Variants in CACNA1A observed in about 807,000 individuals in gnomAD.
CACNA1A encodes voltage-dependent P/Q-type calcium channel subunit alpha-1A.
A neutral mutation model predicts 262.4 loss-of-function variants in CACNA1A; 57 were observed. That is an observed-to-expected ratio of 0.22 (90% CI 0.18 to 0.27). The LOEUF is 0.27. Among genes scored for constraint, CACNA1A ranks in the 10% least tolerant of loss-of-function variants. The pLI, the probability that CACNA1A is intolerant of heterozygous loss-of-function variation, is 1.00. For missense variants in CACNA1A, 2,526 were observed against 3,562.8 expected (o/e 0.71, Z 7.41); for synonymous variants, 1,431 against 1,419.3 (o/e 1.01, Z -0.18).
intron 3 of CACNA1A, among the ~76,000 whole-genome samples, chr19:13,437,948 C>A (rs1316694051): frequency 6.6e-6 from 1 of 152,106 alleles, no homozygotes; most frequent in African/African-American, 2.4e-5. Flanking sequence ...CAAGAAATCT[C>A]TTCCCTTGCA....
intron 10 of CACNA1A, among the ~76,000 whole-genome samples, chr19:13,325,990 A>G (rs1417392324): frequency 1.3e-5 from 2 of 152,180 alleles, no homozygotes; most frequent in African/African-American, 4.8e-5. Context: ...TACAAAATAG[A>G]TCTCTTGAAC....
chr19:13,209,573 G>C, intron 44 of CACNA1A, 75 bp from the exon 45 acceptor site: 7 of 1,145,960 alleles, frequency 6.1e-6, no homozygotes, highest in Non-Finnish European at 7.8e-6. Flanking sequence ...CTGCCCCATT[G>C]TGGCAGCCTG....
chr19:13,477,589 C>T (rs1978703790), intron 1 of CACNA1A, among the ~76,000 whole-genome samples: 1 of 152,196 alleles, frequency 6.6e-6, no homozygotes. Context: ...ACACAGCGAT[C>T]GTTCCTTATT....
At chr19:13,483,951 T>G (rs1979668012) in intron 1 of CACNA1A, among the ~76,000 whole-genome samples, 1 of 152,194 alleles carries the variant, frequency 6.6e-6, no homozygotes, top group Non-Finnish European at 1.5e-5. Context: ...TTAATTCCCA[T>G]TTTATAGGCA....
chr19:13,307,727 C>CT (rs2057935821), intron 15 of CACNA1A, 55 bp downstream of exon 15: 1 of 1,495,016 alleles, frequency 6.7e-7, no homozygotes, highest in African/African-American at 1.4e-5. Context: ...GGAGCAGGCA[C>CT]TTTCATCTGT....
intron 3 of CACNA1A, among the ~76,000 whole-genome samples, chr19:13,430,929 G>A (rs931263689): frequency 2.6e-5 from 4 of 151,996 alleles, no homozygotes; most frequent in Admixed American, 6.6e-5. Flanking sequence ...TCTGGGGGAA[G>A]AGTGTTCCAG....
chr19:13,469,460 CTTTTTTTTTTT>C (rs1164678494), intron 1 of CACNA1A, among the ~76,000 whole-genome samples: 10 of 62,152 alleles, frequency 1.6e-4, no homozygotes, highest in Admixed American at 4.0e-4. Flanking sequence ...TGAACCACCT[CTTTTTTTTTTT>C]TTTTTTTTTT....
chr19:13,474,674 G>A (rs1325867550), intron 1 of CACNA1A, among the ~76,000 whole-genome samples: 5 of 152,036 alleles, frequency 3.3e-5, no homozygotes, highest in Admixed American at 1.3e-4. Context: ...AAAATTAGCC[G>A]GGAGTGGTGG....
At chr19:13,223,353 T>C (rs1163035912) in intron 38 of CACNA1A, among the ~76,000 whole-genome samples, 1 of 151,980 alleles carries the variant, frequency 6.6e-6, no homozygotes, top group Non-Finnish European at 1.5e-5. Flanking sequence ...CCACCACGTC[T>C]GGCTAAATTT....
At chr19:13,316,400 G>A (rs972678536) in intron 11 of CACNA1A, 2 of 152,126 alleles carry the variant, frequency 1.3e-5, no homozygotes, top group Admixed American at 1.3e-4. Flanking sequence ...TAGAATCTGG[G>A]AATAGGCCCA....
intron 3 of CACNA1A, among the ~76,000 whole-genome samples, chr19:13,406,161 G>A (rs2059998619): frequency 6.6e-6 from 1 of 151,410 alleles, no homozygotes; most frequent in South Asian, 2.1e-4. Flanking sequence ...ATAAAAAAAG[G>A]TAATATAAAA....
intron 1 of CACNA1A, among the ~76,000 whole-genome samples, chr19:13,484,586 C>G (rs1462868462): frequency 6.6e-6 from 1 of 152,200 alleles, no homozygotes; most frequent in African/African-American, 2.4e-5. Context: ...GAAATCATTT[C>G]CTAATTGGTC....
intron 1 of CACNA1A, among the ~76,000 whole-genome samples, chr19:13,481,965 C>T (rs1342315484): frequency 2.0e-5 from 3 of 152,096 alleles, no homozygotes; most frequent in Middle Eastern, 3.2e-3. Flanking sequence ...CTCAGTTCTA[C>T]CTCATCTCCT....
intron 44 of CACNA1A, 46 bp downstream of exon 44, chr19:13,210,571 G>A: frequency 6.6e-7 from 1 of 1,526,222 alleles, no homozygotes; most frequent in Non-Finnish European, 8.9e-7. Context: ...TGGGGAGGAA[G>A]AGGGGGCCGG....
intron 3 of CACNA1A, among the ~76,000 whole-genome samples, chr19:13,445,015 C>A (rs1043376301): frequency 1.3e-5 from 2 of 151,906 alleles, no homozygotes; most frequent in African/African-American, 4.8e-5. Context: ...TGGTACATGC[C>A]TGTAATCCCA....
At chr19:13,227,378 GAAGAAAA>G in intron 37 of CACNA1A, 46 bp downstream of exon 37, 2 of 799,338 alleles carry the variant, frequency 2.5e-6, no homozygotes, top group East Asian at 2.7e-5. Flanking sequence ...AGAAGAAGAA[GAAGAAAA>G]AAAAACCCAG....
At chr19:13,291,092 T>C (rs1011851922) in intron 19 of CACNA1A, among the ~76,000 whole-genome samples, 10 of 152,068 alleles carry the variant, frequency 6.6e-5, no homozygotes, top group Non-Finnish European at 1.2e-4. Flanking sequence ...GCAGAAAACT[T>C]TGAAGCTGCA....
chr19:13,214,095 G>A lies in CACNA1A; in HGVS notation c.5940+138C>T. 1.5e-6 allele frequency: 1 copy of A among 671,412 alleles called. No individual in the cohort carries two copies. Among genetic ancestry groups the A allele is most frequent in the South Asian group, 1.8e-5 (1 of 56,918 alleles). 41.6% of individuals were successfully genotyped at this position (671,412 alleles called of 1,614,324 possible). ...CTCTCAAAGCACTGAGATTGCAGGT[G>A]TGAGCTGCTGTGCACAGCCCCTACT... On this transcript the variant is annotated intron_variant, in intron 40 of 46. Transcript: ENST00000360228. This position sits in a 1 kb window ranked among gnomAD's most constrained non-coding sequence, Gnocchi z 4.1.
chr19:13,325,598 C>A (rs912301892), intron 10 of CACNA1A, among the ~76,000 whole-genome samples: 21 of 152,170 alleles, frequency 1.4e-4, no homozygotes, highest in Admixed American at 1.3e-3. Context: ...CCATGCCCAG[C>A]CGATTTTTGT....
Sources: allele counts gnomAD v4.1 joint callset (sites outside exome capture counted in the v4.1 genomes callset), GRCh38; gene constraint gnomAD v4.1.1; non-coding constraint Gnocchi (gnomAD v3.1); transcripts MANE v1.5; gene names NCBI Gene and HGNC (gene_info 2026-07-23, HGNC 2026-07-21).